NMT1: variants seen among roughly 807,000 people sequenced by gnomAD.
NMT1 encodes the protein glycylpeptide N-tetradecanoyltransferase 1.
Under a neutral mutation model 63.4 loss-of-function variants are expected in NMT1, and 12 were observed. The observed-to-expected ratio is 0.19, with a 90% confidence interval of 0.12 to 0.31. NMT1 has a LOEUF of 0.31. NMT1 is among the 10% of genes least tolerant of loss of function. The pLI is 1.00. For synonymous variants in NMT1, 228 were observed against 234.3 expected, an observed-to-expected ratio of 0.97 and a Z score of 0.25; for missense variants, 432 against 634.6, an observed-to-expected ratio of 0.68 and a Z score of 3.43.
At chr17:45,097,029 G>A in intron 5 of NMT1, 99 bp from the exon 6 acceptor site, 1 of 814,912 alleles carries the variant, frequency 1.2e-6, no homozygotes, top group South Asian at 1.4e-5. Flanking sequence ...CCTCAGGGAG[G>A]TGGTAGCACC....
At chr17:45,095,109 T>C (rs1331203106) in intron 4 of NMT1, among the ~76,000 whole-genome samples, 3 of 62,496 alleles carry the variant, frequency 4.8e-5, no homozygotes, top group Non-Finnish European at 8.4e-5. Flanking sequence ...CTGCGCCCAG[T>C]CTTTTTTTTT....
At chr17:45,099,384 A>G (rs566288330) in intron 7 of NMT1, 21 bp from the exon 8 acceptor site, 2 of 1,536,432 alleles carry the variant, frequency 1.3e-6, no homozygotes, top group East Asian at 4.5e-5. Context: ...CCCTGAGGAC[A>G]GGACATTTGT....
At chr17:45,078,560 C>T (rs2053991903) in intron 1 of NMT1, among the ~76,000 whole-genome samples, 1 of 151,928 alleles carries the variant, frequency 6.6e-6, no homozygotes, top group African/African-American at 2.4e-5. Flanking sequence ...CATTTTGAGA[C>T]CCTGAAGTCT....
intron 1 of NMT1, among the ~76,000 whole-genome samples, chr17:45,075,555 G>A (rs138363582): frequency 6.6e-6 from 1 of 151,870 alleles, no homozygotes; most frequent in Non-Finnish European, 1.5e-5. Flanking sequence ...GCCAAGGCTG[G>A]CAGATCATGA....
At chr17:45,088,274 A>C (rs1036803984) in intron 3 of NMT1, among the ~76,000 whole-genome samples, 1 of 152,244 alleles carries the variant, frequency 6.6e-6, no homozygotes, top group Non-Finnish European at 1.5e-5. Flanking sequence ...GGAGCAGGAA[A>C]GATGCAGAGA....
intron 1 of NMT1, among the ~76,000 whole-genome samples, chr17:45,065,782 T>C (rs2143447781): frequency 6.6e-6 from 1 of 152,210 alleles, no homozygotes. Context: ...ATGTAAAAAT[T>C]GACAGAGAAG....
intron 4 of NMT1, among the ~76,000 whole-genome samples, chr17:45,095,110 CT>C (rs36075240): frequency 0.19 from 26,761 of 141,616 alleles, 3,764 homozygotes; most frequent in African/African-American, 0.4. Flanking sequence ...TGCGCCCAGT[CT>C]TTTTTTTTTT....
Position 45,104,824 on chromosome 17 carries a change from C to G in NMT1, c.1333-35C>G, listed in dbSNP as rs749153245. ...AGGAAGGAGGCTGTCCCCACCTGTCCTCACCTGTTCTTGTTTGTCCCTGCT... is the reference window on the plus strand; with the variant it reads ...AGGAAGGAGGCTGTCCCCACCTGTCGTCACCTGTTCTTGTTTGTCCCTGCT... On this transcript the variant is annotated intron_variant, in intron 10 of 11. Transcript: ENST00000258960. The surrounding 1 kb of genome is among the most constrained non-coding windows in gnomAD (Gnocchi z 4.2). 6.2e-7 allele frequency: 1 copy of G among 1,613,448 alleles called. No homozygotes were observed. The highest frequency in any genetic ancestry group is 8.5e-7 in the Non-Finnish European group (1 of 1,179,464).
intron 8 of NMT1, among the ~76,000 whole-genome samples, chr17:45,100,911 G>A (rs1368779832): frequency 7.0e-6 from 1 of 141,848 alleles, no homozygotes; most frequent in African/African-American, 2.6e-5. Context: ...GCCAGGCGCG[G>A]TGGCTCACAC....
At chr17:45,096,474 C>T (rs1270197718) in intron 5 of NMT1, among the ~76,000 whole-genome samples, 189 bp downstream of exon 5, 10 of 152,210 alleles carry the variant, frequency 6.6e-5, no homozygotes, top group Admixed American at 6.5e-4. Context: ...TTGTTTAAGA[C>T]AATTGACTGG....
At chr17:45,068,971 G>A (rs2053921734) in intron 1 of NMT1, among the ~76,000 whole-genome samples, 1 of 127,452 alleles carries the variant, frequency 7.8e-6, no homozygotes, top group Non-Finnish European at 1.7e-5. Context: ...GTTTTTTTGG[G>A]TTTTTTTGAG....
At chr17:45,084,352 C>T (rs1473664408) in intron 2 of NMT1, among the ~76,000 whole-genome samples, 8 of 58,888 alleles carry the variant, frequency 1.4e-4, no homozygotes, top group East Asian at 1.3e-3. Context: ...TTTTTTTTTG[C>T]GAGACGGAGT....
chr17:45,099,247 G>A (rs1356634036), intron 7 of NMT1, among the ~76,000 whole-genome samples, 158 bp from the exon 8 acceptor site: 1 of 152,208 alleles, frequency 6.6e-6, no homozygotes, highest in Non-Finnish European at 1.5e-5. Flanking sequence ...CACTCACTGT[G>A]GGGAGGGGGA....
intron 8 of NMT1, among the ~76,000 whole-genome samples, chr17:45,100,384 G>C (rs756406138): frequency 2.0e-5 from 3 of 151,716 alleles, no homozygotes; most frequent in Non-Finnish European, 4.4e-5. Context: ...GGCTAACACG[G>C]TGAAACCCCG....
At chr17:45,099,819 A>AATCC (rs139708563) in intron 8 of NMT1, 1 of 331,428 alleles carries the variant, frequency 3.0e-6, no homozygotes, top group Non-Finnish European at 5.8e-6. Flanking sequence ...TAGAATGATG[A>AATCC]ATCCACTTAG....
intron 4 of NMT1, among the ~76,000 whole-genome samples, chr17:45,095,687 G>A (rs1046300632): frequency 6.6e-6 from 1 of 152,116 alleles, no homozygotes; most frequent in African/African-American, 2.4e-5. Context: ...TAGGAGGATC[G>A]CTTGAAACCA....
At chr17:45,088,085 T>A (rs1598012437) in intron 3 of NMT1, among the ~76,000 whole-genome samples, 3 of 152,040 alleles carry the variant, frequency 2.0e-5, no homozygotes, top group Admixed American at 6.6e-5. Flanking sequence ...GCTGAGGAGG[T>A]GCATCCCCAC....
In NMT1 at chr17:45,101,725, A is replaced by G. The variant is rs528695573; in HGVS notation, c.994-1226A>G. ...GCACACAGTCACTGCGTTCCTGCTG[A>G]CATGAGGCTGCCTGCCTGGACTCCT... On this transcript the variant is annotated intron_variant, in intron 8 of 11. Transcript: ENST00000258960. 2.0e-5 allele frequency among the ~76,000 whole-genome samples: 3 copies of G among 151,826 alleles called. No homozygotes were observed. In the South Asian group the frequency reaches 6.2e-4, roughly 32 times the overall value.
At chr17:45,084,629 G>A (rs980027722) in intron 2 of NMT1, among the ~76,000 whole-genome samples, 16 of 151,394 alleles carry the variant, frequency 1.1e-4, no homozygotes, top group East Asian at 3.9e-4. Context: ...CACCGCGCCC[G>A]GCCACTTTTT....
Sources: gnomAD v4.1 joint callset for allele counts (sites outside exome capture counted in the v4.1 genomes callset) on GRCh38, gnomAD v4.1.1 for gene constraint, Gnocchi (gnomAD v3.1) non-coding constraint, MANE v1.5 for transcripts, NCBI Gene and HGNC (gene_info 2026-07-23, HGNC 2026-07-21) for gene names.